CACNB2: variants seen among roughly 807,000 people sequenced by gnomAD.
CACNB2 encodes calcium voltage-gated channel auxiliary subunit beta 2.
A neutral mutation model predicts 73.3 loss-of-function variants in CACNB2; 42 were observed. The observed-to-expected ratio is 0.57, with a 90% confidence interval of 0.45 to 0.74. The LOEUF is 0.74. Among genes scored for constraint, CACNB2 ranks in the 30% least tolerant of loss-of-function variants. CACNB2 has a pLI of 0.00. For synonymous variants in CACNB2, 348 were observed against 310.3 expected, an observed-to-expected ratio of 1.12 and a Z score of -1.28; for missense variants, 940 against 853.0, an observed-to-expected ratio of 1.10 and a Z score of -1.27.
intron 2 of CACNB2, among the ~76,000 whole-genome samples, chr10:18,175,077 A>T (rs1184080077): frequency 6.6e-6 from 1 of 152,192 alleles, no homozygotes; most frequent in African/African-American, 2.4e-5. Context: ...GGCTGACGAG[A>T]ATTGACCTCT....
chr10:18,539,142 A>ATT, intron 13 of CACNB2, 88 bp from the exon 14 acceptor site: 3 of 1,554,732 alleles, frequency 1.9e-6, no homozygotes, highest in Non-Finnish European at 2.7e-6. Context: ...GATGCTTAAA[A>ATT]AGGACTCTGC....
intron 2 of CACNB2, among the ~76,000 whole-genome samples, chr10:18,308,077 T>TCCACCTCCC (rs956233978): frequency 7.2e-6 from 1 of 137,966 alleles, no homozygotes; most frequent in African/African-American, 2.7e-5. Context: ...CACTGCAACC[T>TCCACCTCCC]CCACCTCCCA....
At chr10:18,254,487 A>G (rs1017656394) in intron 2 of CACNB2, among the ~76,000 whole-genome samples, 10 of 152,210 alleles carry the variant, frequency 6.6e-5, no homozygotes, top group African/African-American at 2.4e-4. Flanking sequence ...TGGTAAATAA[A>G]CAAATGTTGC....
intron 3 of CACNB2, among the ~76,000 whole-genome samples, chr10:18,463,605 GTTTT>G (rs773352662): frequency 6.9e-6 from 1 of 145,886 alleles, no homozygotes; most frequent in Admixed American, 6.9e-5. Context: ...GTTGTTTTTT[GTTTT>G]TTTTTTGTAG....
chr10:18,175,309 C>T (rs1434165188), intron 2 of CACNB2, among the ~76,000 whole-genome samples: 1 of 152,138 alleles, frequency 6.6e-6, no homozygotes, highest in African/African-American at 2.4e-5. Context: ...CAGAGAAGCA[C>T]CAGAAAATGG....
In CACNB2 at chr10:18,230,509, G is replaced by A. The variant is rs541170002; in HGVS notation, c.213+79534G>A. 7.2e-5 allele frequency among the ~76,000 whole-genome samples: 11 copies of A among 152,250 alleles called. No homozygotes were observed. In the East Asian group the frequency reaches 2.1e-3, roughly 29 times the overall value. ...ACAGCATGCATGTACAGTATGTGTT[G>A]TTATAAGGCAGTTCCTTGAGATTTA... On this transcript the variant is annotated intron_variant, in intron 2 of 13. Transcript: ENST00000324631.
chr10:18,172,132 G>T (rs144009622), intron 2 of CACNB2, among the ~76,000 whole-genome samples: 5,060 of 152,276 alleles, frequency 0.033, 92 homozygotes, highest in South Asian at 0.04. Context: ...GGAGACTGAG[G>T]TGGGAGAATC....
intron 2 of CACNB2, among the ~76,000 whole-genome samples, chr10:18,177,900 G>C (rs995484992): frequency 3.3e-5 from 5 of 152,234 alleles, no homozygotes; most frequent in Middle Eastern, 3.2e-3. Context: ...TTGGCATAGT[G>C]AGTTTGGGGT....
intron 6 of CACNB2, chr10:18,513,480 C>A: frequency 3.6e-6 from 1 of 281,098 alleles, no homozygotes; most frequent in South Asian, 4.0e-5. Flanking sequence ...TCCTCATCTT[C>A]AAGTCCCTCG....
chr10:18,291,362 A>G (rs544363793), intron 2 of CACNB2, among the ~76,000 whole-genome samples: 1 of 152,346 alleles, frequency 6.6e-6, no homozygotes, highest in East Asian at 1.9e-4. Flanking sequence ...GGGAATTGCA[A>G]TTGAACAGCC....
At chr10:18,366,334 G>A (rs1322642753) in intron 2 of CACNB2, among the ~76,000 whole-genome samples, 1 of 151,714 alleles carries the variant, frequency 6.6e-6, no homozygotes, top group African/African-American at 2.4e-5. Context: ...GCGTGGTGGC[G>A]GGCACCTGTA....
At chr10:18,332,368 G>T (rs761222489) in intron 2 of CACNB2, among the ~76,000 whole-genome samples, 3 of 152,140 alleles carry the variant, frequency 2.0e-5, no homozygotes, top group Admixed American at 2.0e-4. Flanking sequence ...GAGCATGTGG[G>T]TGCTGTTTGC....
chr10:18,295,204 A>G (rs1405683654), intron 2 of CACNB2, among the ~76,000 whole-genome samples: 1 of 152,222 alleles, frequency 6.6e-6, no homozygotes, highest in African/African-American at 2.4e-5. Flanking sequence ...TCCAATAACA[A>G]TGCATACTTT....
At chr10:18,311,255 T>G (rs1369306664) in intron 2 of CACNB2, among the ~76,000 whole-genome samples, 2 of 152,208 alleles carry the variant, frequency 1.3e-5, no homozygotes, top group Admixed American at 6.5e-5. Flanking sequence ...TGTGAATGAT[T>G]GACTACTTTG....
chr10:18,409,792 A>G (rs375914921), intron 3 of CACNB2, among the ~76,000 whole-genome samples: 1 of 152,110 alleles, frequency 6.6e-6, no homozygotes, highest in Non-Finnish European at 1.5e-5. Flanking sequence ...GTCTTGCTCT[A>G]TTGGACCGCT....
intron 2 of CACNB2, among the ~76,000 whole-genome samples, chr10:18,211,503 C>CTATTGTGTTTATTGCCAATAGAG (rs2035315804): frequency 6.6e-6 from 1 of 152,202 alleles, no homozygotes; most frequent in Non-Finnish European, 1.5e-5. Flanking sequence ...AATAGAGTTG[C>CTATTGTGTTTATTGCCAATAGAG]TTCCCTTTGT....
intron 3 of CACNB2, among the ~76,000 whole-genome samples, chr10:18,467,211 C>T (rs180974628): frequency 2.0e-5 from 3 of 152,126 alleles, no homozygotes; most frequent in Non-Finnish European, 4.4e-5. Context: ...TTTTTGAAAA[C>T]TCTGAAATAA....
intron 2 of CACNB2, among the ~76,000 whole-genome samples, chr10:18,172,250 G>A (rs1368167737): frequency 6.6e-6 from 1 of 152,200 alleles, no homozygotes; most frequent in Admixed American, 6.5e-5. Context: ...TGTAGTCCCA[G>A]CTACTCAGGA....
At chr10:18,501,344 C>T (rs1363835451) in intron 5 of CACNB2, among the ~76,000 whole-genome samples, 1 of 152,230 alleles carries the variant, frequency 6.6e-6, no homozygotes, top group African/African-American at 2.4e-5. Flanking sequence ...CATTCTCAGA[C>T]ATCATCAGGC....
Sources: gnomAD v4.1 joint callset for allele counts (sites outside exome capture counted in the v4.1 genomes callset) on GRCh38, gnomAD v4.1.1 for gene constraint, MANE v1.5 for transcripts, NCBI Gene and HGNC (gene_info 2026-07-23, HGNC 2026-07-21) for gene names.